The following MAF variants were observed in gnomAD, a reference collection of about 807,000 sequenced individuals.
MAF encodes the protein MAF bZIP transcription factor.
MAF carries 10 observed loss-of-function variants against 22.0 expected under a neutral mutation model. The ratio of observed to expected loss-of-function variants is 0.45; its 90% CI spans 0.28 to 0.77. MAF has a LOEUF of 0.77. Ranked by LOEUF, MAF falls within the 30% of genes least tolerant of loss-of-function variation. The probability of loss-of-function intolerance (pLI) is 0.12; values close to 1 mark genes in which losing one functional copy is unlikely to be tolerated. For synonymous variants in MAF, 337 were observed against 255.8 expected, an observed-to-expected ratio of 1.32 and a Z score of -3.03; for missense variants, 544 against 548.4, an observed-to-expected ratio of 0.99 and a Z score of 0.08.
At chr16:79,303,536 T>G in the MAF span, among the ~76,000 whole-genome samples, 2 of 152,214 alleles carry the variant, frequency 1.3e-5, no homozygotes, top group African/African-American at 4.8e-5. Flanking sequence ...CTTCTGTTTC[T>G]CAGGGCTTCT....
the MAF span, among the ~76,000 whole-genome samples, chr16:79,223,799 G>A: frequency 0.48 from 73,165 of 151,486 alleles, 19,191 homozygotes; most frequent in Non-Finnish European, 0.61. Flanking sequence ...ACCCTCCCAA[G>A]ACTCAACCAG....
rs774445613 is a variant in MAF at position 79,599,862 on chromosome 16, G to C, written c.41C>G (p.Thr14Ser). ...AACATATTCCATGGCCAGGGGACTGGTGGGCAGGTCGGAGTTGCTCATTGC... is the reference window on the plus strand; with the variant it reads ...AACATATTCCATGGCCAGGGGACTGCTGGGCAGGTCGGAGTTGCTCATTGC... ...ELAMSNSDLP[T>S]SPLAMEYVND... Residue 14 changes from threonine (T) to serine (S), a missense_variant, in exon 1 of 2, where the codon ACC becomes AGC. By Grantham distance (58) the Thr-to-Ser change is moderately conservative (BLOSUM62 1). This residue lies in a region of MAF where 63 missense variants were observed against 72.7 expected (regional missense o/e 0.87). Transcript: ENST00000326043. 1.9e-6 allele frequency: 3 copies of C among 1,608,710 alleles called. No homozygotes were observed. Among genetic ancestry groups the C allele is most frequent in the African/African-American group, 2.7e-5 (2 of 74,846 alleles).
At chr16:79,581,523 T>C (rs577458848), downstream of MAF, among the ~76,000 whole-genome samples, 1 of 152,306 alleles carries the variant, frequency 6.6e-6, no homozygotes, top group East Asian at 1.9e-4. Context: ...TGGAACCCAA[T>C]TTAAAGGAAG....
At chr16:79,500,473 C>G in the MAF span, among the ~76,000 whole-genome samples, 4 of 152,114 alleles carry the variant, frequency 2.6e-5, no homozygotes, top group African/African-American at 9.7e-5. Flanking sequence ...ATGTGTCATA[C>G]CCCAGTAGTT....
chr16:79,462,808 G>A, the MAF span, among the ~76,000 whole-genome samples: 3 of 152,150 alleles, frequency 2.0e-5, no homozygotes, highest in Non-Finnish European at 4.4e-5. Context: ...TAGGTGCTAG[G>A]GATGTCAAAG....
At chr16:79,494,239 A>C in the MAF span, among the ~76,000 whole-genome samples, 4 of 152,192 alleles carry the variant, frequency 2.6e-5, no homozygotes, top group Non-Finnish European at 5.9e-5. Context: ...AAGCCAGGGA[A>C]TTAGCAAGCT....
chr16:79,409,006 G>A, the MAF span, among the ~76,000 whole-genome samples: 13 of 135,282 alleles, frequency 9.6e-5, no homozygotes, highest in Non-Finnish European at 4.7e-5. Flanking sequence ...CAAATTGCGT[G>A]TGTCCCCACC....
chr16:79,573,383 T>C, the MAF span, among the ~76,000 whole-genome samples: 3 of 152,236 alleles, frequency 2.0e-5, no homozygotes, highest in Non-Finnish European at 4.4e-5. Context: ...TTTGATACTT[T>C]TGAAGCTTTT....
chr16:79,453,000 G>C, the MAF span, among the ~76,000 whole-genome samples: 2 of 152,184 alleles, frequency 1.3e-5, no homozygotes, highest in African/African-American at 4.8e-5. Context: ...TTCATAATGA[G>C]AGCTCACTGT....
At chr16:79,345,618 C>G in the MAF span, among the ~76,000 whole-genome samples, 1 of 148,584 alleles carries the variant, frequency 6.7e-6, no homozygotes, top group African/African-American at 2.5e-5. Flanking sequence ...ATCCCAGCTA[C>G]TCAGGAGGCT....
chr16:79,388,574 C>T, the MAF span, among the ~76,000 whole-genome samples: 3 of 152,148 alleles, frequency 2.0e-5, no homozygotes, highest in Non-Finnish European at 4.4e-5. Flanking sequence ...AAAAGCAGTG[C>T]TCTCTCTCTA....
the MAF span, among the ~76,000 whole-genome samples, chr16:79,467,856 G>C: frequency 1.3e-5 from 2 of 152,134 alleles, no homozygotes; most frequent in South Asian, 2.1e-4. Flanking sequence ...GGAAGGGAGA[G>C]GGGGAGAAAG....
At chr16:79,517,658 T>G in the MAF span, among the ~76,000 whole-genome samples, 2 of 149,694 alleles carry the variant, frequency 1.3e-5, no homozygotes, top group Non-Finnish European at 1.5e-5. Context: ...CACTGCAATC[T>G]CTGCCTCCTG....
chr16:79,355,235 A>G, the MAF span, among the ~76,000 whole-genome samples: 1 of 152,208 alleles, frequency 6.6e-6, no homozygotes, highest in African/African-American at 2.4e-5. Flanking sequence ...TGGAAAACGT[A>G]TCTCACATTC....
chr16:79,400,848 G>C, the MAF span, among the ~76,000 whole-genome samples: 1 of 152,248 alleles, frequency 6.6e-6, no homozygotes, highest in Middle Eastern at 3.2e-3. Context: ...TGAATGTTGA[G>C]AAATGGCCTG....
chr16:79,589,957 C>T (rs1337965085), downstream of MAF, among the ~76,000 whole-genome samples: 2 of 152,190 alleles, frequency 1.3e-5, no homozygotes, highest in African/African-American at 4.8e-5. Flanking sequence ...TCTGGGACTG[C>T]AGGCCCGGCC....
chr16:79,411,492 G>A, the MAF span, among the ~76,000 whole-genome samples: 4 of 152,160 alleles, frequency 2.6e-5, no homozygotes, highest in African/African-American at 7.2e-5. Context: ...GGAAAGCCCT[G>A]GAAATGTTTG....
chr16:79,313,079 G>A, the MAF span, among the ~76,000 whole-genome samples: 40 of 152,230 alleles, frequency 2.6e-4, no homozygotes, highest in Admixed American at 1.2e-3. Flanking sequence ...GCACTTCTGC[G>A]CCTCGGTTTC....
At chr16:79,202,954 C>A in the MAF span, 8 of 152,140 alleles carry the variant, frequency 5.3e-5, no homozygotes, top group African/African-American at 1.7e-4. Flanking sequence ...ACCTTTGTAA[C>A]TTTCTATGCT....
Sources: allele counts gnomAD v4.1 joint callset (sites outside exome capture counted in the v4.1 genomes callset), GRCh38; gene constraint gnomAD v4.1.1; regional missense constraint gnomAD v4.1.1; transcripts MANE v1.5; gene names NCBI Gene and HGNC (gene_info 2026-07-23, HGNC 2026-07-21).